The following STXBP5 variants were observed in gnomAD, a reference collection of about 807,000 sequenced individuals.
STXBP5 encodes the protein syntaxin-binding protein 5.
A neutral mutation model predicts 152.4 loss-of-function variants in STXBP5; 50 were observed. That is an observed-to-expected ratio of 0.33 (90% CI 0.26 to 0.42). STXBP5 has a LOEUF of 0.42. Ranked by LOEUF, STXBP5 falls within the 10% of genes least tolerant of loss-of-function variation. STXBP5 has a pLI of 1.00. For synonymous variants in STXBP5, 492 were observed against 494.7 expected (o/e 0.99, Z 0.07); for missense variants, 1,167 against 1,388.6 (o/e 0.84, Z 2.54).
At chr6:147,288,069 T>C (rs898174781) in intron 8 of STXBP5, among the ~76,000 whole-genome samples, 1 of 152,148 alleles carries the variant, frequency 6.6e-6, no homozygotes, top group African/African-American at 2.4e-5. Flanking sequence ...CCGCCATGAA[T>C]GTGTCTAGTT....
At chr6:147,377,666 T>G (rs1785874357) in intron 26 of STXBP5, among the ~76,000 whole-genome samples, 2 of 152,132 alleles carry the variant, frequency 1.3e-5, no homozygotes, top group South Asian at 4.1e-4. Flanking sequence ...AAGCTACCTC[T>G]CTGGCCTCTT....
chr6:147,288,833 C>G (rs1024633364), intron 8 of STXBP5, among the ~76,000 whole-genome samples: 1 of 152,180 alleles, frequency 6.6e-6, no homozygotes, highest in Non-Finnish European at 1.5e-5. Context: ...ACTTGGAAAA[C>G]AAGTGCAGTG....
At chr6:147,250,590 C>T (rs1356298199) in intron 4 of STXBP5, among the ~76,000 whole-genome samples, 4 of 152,016 alleles carry the variant, frequency 2.6e-5, no homozygotes, top group Non-Finnish European at 5.9e-5. Context: ...GAACCAATCC[C>T]CCATGGATAC....
At chr6:147,339,029 T>A in intron 19 of STXBP5, 150 bp from the exon 20 acceptor site, 2 of 642,340 alleles carry the variant, frequency 3.1e-6, no homozygotes, top group Non-Finnish European at 5.3e-6. Context: ...AGAACTGTTA[T>A]TTACTTATAC....
intron 5 of STXBP5, among the ~76,000 whole-genome samples, chr6:147,261,546 G>A (rs117606711): frequency 0.011 from 1,637 of 152,068 alleles, 10 homozygotes; most frequent in Middle Eastern, 0.024. Flanking sequence ...ATTCTGTGAC[G>A]TATCTCTTAA....
chr6:147,300,597 A>C (rs1186590040), intron 9 of STXBP5, among the ~76,000 whole-genome samples: 2 of 152,074 alleles, frequency 1.3e-5, no homozygotes, highest in Non-Finnish European at 2.9e-5. Context: ...GGAAAATAGG[A>C]TATCCACATG....
chr6:147,320,552 A>AGTGTGTGTGTGTGTGTGT (rs71552971), intron 16 of STXBP5, among the ~76,000 whole-genome samples: 3 of 84,994 alleles, frequency 3.5e-5, no homozygotes, highest in Admixed American at 1.2e-4. Flanking sequence ...TGCTAATTTG[A>AGTGTGTGTGTGTGTGTGT]GTGTGTGTGT....
chr6:147,265,697 A>T (rs1039847410), intron 6 of STXBP5, among the ~76,000 whole-genome samples: 1 of 152,182 alleles, frequency 6.6e-6, no homozygotes, highest in Admixed American at 6.6e-5. Flanking sequence ...GGCAGCGTAC[A>T]TAGTTTGTGA....
chr6:147,341,720 C>T (rs1050126823), intron 21 of STXBP5, among the ~76,000 whole-genome samples: 1 of 151,304 alleles, frequency 6.6e-6, no homozygotes, highest in Non-Finnish European at 1.5e-5. Flanking sequence ...ATGGCAGTCA[C>T]AATTTAATGG....
At chr6:147,230,707 A>G (rs1777959359) in intron 2 of STXBP5, among the ~76,000 whole-genome samples, 2 of 151,474 alleles carry the variant, frequency 1.3e-5, no homozygotes, top group Admixed American at 1.3e-4. Context: ...GTATGCTATA[A>G]GGGTTGGTAA....
intron 2 of STXBP5, among the ~76,000 whole-genome samples, chr6:147,225,622 G>T (rs114074027): frequency 3.9e-5 from 6 of 152,120 alleles, no homozygotes; most frequent in African/African-American, 1.2e-4. Context: ...AAAAGTAGAG[G>T]TTGTCAGAAT....
chr6:147,374,589 C>A (rs775786091), intron 26 of STXBP5, among the ~76,000 whole-genome samples: 1 of 151,768 alleles, frequency 6.6e-6, no homozygotes, highest in Non-Finnish European at 1.5e-5. Context: ...AAATTTATAA[C>A]GTTATATAAA....
chr6:147,328,991 A>G (rs1030461047), intron 18 of STXBP5, among the ~76,000 whole-genome samples: 2 of 152,156 alleles, frequency 1.3e-5, no homozygotes, highest in Non-Finnish European at 1.5e-5. Flanking sequence ...CTAGTATTTA[A>G]TGCTAGAATG....
At chr6:147,275,619 A>G (rs1780404719) in intron 7 of STXBP5, among the ~76,000 whole-genome samples, 1 of 128,902 alleles carries the variant, frequency 7.8e-6, no homozygotes, top group Admixed American at 9.9e-5. Flanking sequence ...GTGCAGTGGC[A>G]CAGTCTCAGC....
At chr6:147,265,527 G>A (rs1779849067) in intron 6 of STXBP5, among the ~76,000 whole-genome samples, 1 of 152,004 alleles carries the variant, frequency 6.6e-6, no homozygotes, top group African/African-American at 2.4e-5. Flanking sequence ...AGAGGAACTG[G>A]GTAGACTTAA....
At chr6:147,314,116 C>T in intron 12 of STXBP5, 85 bp downstream of exon 12, 1 of 1,494,586 alleles carries the variant, frequency 6.7e-7, no homozygotes, top group Non-Finnish European at 9.1e-7. Flanking sequence ...TAACATTATA[C>T]CTTTTCTATG....
chr6:147,285,415 A>G (rs1185872544), intron 8 of STXBP5, among the ~76,000 whole-genome samples: 2 of 152,160 alleles, frequency 1.3e-5, no homozygotes, highest in African/African-American at 2.4e-5. Context: ...TATCTAGACC[A>G]TAAGCAGTAA....
At chr6:147,368,614 T>G (rs1398992366) in intron 25 of STXBP5, among the ~76,000 whole-genome samples, 1 of 152,100 alleles carries the variant, frequency 6.6e-6, no homozygotes, top group Non-Finnish European at 1.5e-5. Context: ...TAGTTAAGGT[T>G]CTAACCAGTG....
At chr6:147,371,167 ATC>A (rs1328993909) in intron 25 of STXBP5, among the ~76,000 whole-genome samples, 1 of 152,094 alleles carries the variant, frequency 6.6e-6, no homozygotes, top group Non-Finnish European at 1.5e-5. Flanking sequence ...GAAATAACAA[ATC>A]TGTTTTAGAT....
Sources: allele counts gnomAD v4.1 joint callset (sites outside exome capture counted in the v4.1 genomes callset), GRCh38; gene constraint gnomAD v4.1.1; transcripts MANE v1.5; gene names NCBI Gene and HGNC (gene_info 2026-07-23, HGNC 2026-07-21).